The following STON2 variants were observed in gnomAD, a reference collection of about 807,000 sequenced individuals.
The protein encoded by STON2 is stonin 2.
Under a neutral mutation model 65.7 loss-of-function variants are expected in STON2, and 29 were observed. The observed-to-expected ratio is 0.44, with a 90% confidence interval of 0.33 to 0.60. The LOEUF (loss-of-function observed/expected upper bound fraction) is 0.60. Among genes scored for constraint, STON2 ranks in the 20% least tolerant of loss-of-function variants. The pLI, the probability that STON2 is intolerant of heterozygous loss-of-function variation, is 0.03. For missense variants in STON2, 1,054 were observed against 1,118.1 expected (o/e 0.94, Z 0.82); for synonymous variants, 404 against 414.2 (o/e 0.98, Z 0.30).
In STON2 at chr14:81,278,375, G is replaced by C; in HGVS notation, c.1107C>G (p.Thr369=). 1 of 1,614,198 alleles carries C rather than the reference G, an allele frequency of 6.2e-7. No homozygotes were observed. The highest frequency in any genetic ancestry group is 1.1e-5 in the South Asian group (1 of 91,086). Residue 369 remains threonine, a synonymous_variant, in exon 6 of 8, where the codon ACC becomes ACG. Transcript: ENST00000614646. ...GCAGAGTCTCATTCAGGAAAGGGTTGGTTGCCCTCCAAGGTGAAGCCTCAG... is the reference window on the plus strand; with the variant it reads ...GCAGAGTCTCATTCAGGAAAGGGTTCGTTGCCCTCCAAGGTGAAGCCTCAG... ...SVTEASPWRA[T]NPFLNETLQD...
At chr14:81,330,721 G>C (rs1897181292) in intron 4 of STON2, among the ~76,000 whole-genome samples, 1 of 152,106 alleles carries the variant, frequency 6.6e-6, no homozygotes, top group African/African-American at 2.4e-5. Context: ...AATTATTGCA[G>C]GTGTGCTAGT....
chr14:81,302,573 A>C (rs1202484980), intron 5 of STON2, among the ~76,000 whole-genome samples: 1 of 152,260 alleles, frequency 6.6e-6, no homozygotes, highest in Non-Finnish European at 1.5e-5. Context: ...CCATGGTGTC[A>C]GAATCCATAG....
chr14:81,329,565 C>T (rs1480013953), intron 4 of STON2, among the ~76,000 whole-genome samples: 1 of 152,064 alleles, frequency 6.6e-6, no homozygotes, highest in African/African-American at 2.4e-5. Context: ...CCAAGGACTG[C>T]CAGCAACTAG....
intron 5 of STON2, among the ~76,000 whole-genome samples, chr14:81,318,338 G>A (rs965542590): frequency 2.0e-5 from 3 of 152,048 alleles, no homozygotes; most frequent in African/African-American, 4.8e-5. Context: ...TCCACATCAC[G>A]AGGAGCAGAA....
intron 5 of STON2, among the ~76,000 whole-genome samples, chr14:81,305,715 GTTTAA>G (rs370877002): frequency 6.4e-4 from 98 of 152,168 alleles, no homozygotes; most frequent in African/African-American, 2.2e-3. Context: ...TTTACATGTG[GTTTAA>G]TTTATCAATT....
At chr14:81,420,003 C>T (rs1452357654) in intron 2 of STON2, among the ~76,000 whole-genome samples, 3 of 152,182 alleles carry the variant, frequency 2.0e-5, no homozygotes, top group Non-Finnish European at 4.4e-5. Context: ...CTGCCAGCTC[C>T]CACCTGTCTC....
At chr14:81,312,147 T>C (rs935352451) in intron 5 of STON2, among the ~76,000 whole-genome samples, 2 of 152,242 alleles carry the variant, frequency 1.3e-5, no homozygotes, top group Non-Finnish European at 2.9e-5. Context: ...ATGATTGTCT[T>C]AGTCATTTTC....
At chr14:81,327,889 G>T (rs545112592) in intron 4 of STON2, among the ~76,000 whole-genome samples, 1 of 152,238 alleles carries the variant, frequency 6.6e-6, no homozygotes, top group South Asian at 2.1e-4. Flanking sequence ...AGTGGTGAAG[G>T]ACTGGTCCAC....
At chr14:81,283,316 G>A (rs1276259288) in intron 5 of STON2, among the ~76,000 whole-genome samples, 1 of 152,092 alleles carries the variant, frequency 6.6e-6, no homozygotes, top group African/African-American at 2.4e-5. Flanking sequence ...TCTACATTTT[G>A]AACATAGAGA....
intron 4 of STON2, among the ~76,000 whole-genome samples, chr14:81,340,335 C>T (rs1054779656): frequency 5.9e-5 from 9 of 151,986 alleles, no homozygotes; most frequent in African/African-American, 2.4e-5. Context: ...TAAATGCACA[C>T]GAGGAACTAT....
intron 3 of STON2, among the ~76,000 whole-genome samples, chr14:81,374,887 A>G (rs1278650765): frequency 6.6e-6 from 1 of 152,182 alleles, no homozygotes; most frequent in Non-Finnish European, 1.5e-5. Context: ...AAATTCCAAG[A>G]TATCTCAAGC....
intron 5 of STON2, among the ~76,000 whole-genome samples, chr14:81,301,961 G>C (rs1280444421): frequency 6.6e-6 from 1 of 152,142 alleles, no homozygotes; most frequent in African/African-American, 2.4e-5. Flanking sequence ...ATGGTGATTT[G>C]CTAGCTTTGA....
Position 81,276,983 on chromosome 14 carries a change from T to C in STON2, c.2499A>G (p.Arg833=). The part of the protein sequence containing the change: ...TSVSGSEPVM[R]VTLGTAKYEH... ...CGTACTTGGCAGTTCCCAGAGTTAC[T>C]CTCATGACAGGCTCAGAGCCAGAAA... Residue 833 remains arginine, a synonymous_variant, in exon 6 of 8, where the codon AGA becomes AGG. Transcript: ENST00000614646. The C allele has an allele frequency of 1.9e-6, 3 of 1,614,182 alleles. No individual in the cohort carries two copies. The highest frequency in any genetic ancestry group is 1.6e-4 in the Middle Eastern group (1 of 6,062).
intron 5 of STON2, among the ~76,000 whole-genome samples, chr14:81,286,364 T>C (rs1895333645): frequency 6.6e-6 from 1 of 152,164 alleles, no homozygotes; most frequent in Non-Finnish European, 1.5e-5. Flanking sequence ...ATCATTGTTG[T>C]TTTACATTAA....
At chr14:81,334,044 T>C (rs1897293557) in intron 4 of STON2, among the ~76,000 whole-genome samples, 1 of 152,322 alleles carries the variant, frequency 6.6e-6, no homozygotes, top group South Asian at 2.1e-4. Flanking sequence ...CACCTGCAGC[T>C]TGCACTACTC....
At chr14:81,349,930 C>T (rs927094792) in intron 4 of STON2, among the ~76,000 whole-genome samples, 4 of 152,056 alleles carry the variant, frequency 2.6e-5, no homozygotes, top group Non-Finnish European at 5.9e-5. Context: ...TTTGCAGCAA[C>T]ATGGATGGAA....
chr14:81,400,433 C>T (rs2140450286), upstream of STON2, among the ~76,000 whole-genome samples: 1 of 135,504 alleles, frequency 7.4e-6, no homozygotes, highest in Middle Eastern at 4.7e-3. Flanking sequence ...CAGATTCCTC[C>T]TCTTTCAACG....
chr14:81,360,409 CAAAAT>C (rs1200467550), intron 4 of STON2, among the ~76,000 whole-genome samples: 1 of 151,558 alleles, frequency 6.6e-6, no homozygotes, highest in Admixed American at 6.6e-5. Context: ...ATCACATTAA[CAAAAT>C]AAAAGATAAA....
At chr14:81,377,507 T>C (rs1899309623) in intron 3 of STON2, among the ~76,000 whole-genome samples, 1 of 152,232 alleles carries the variant, frequency 6.6e-6, no homozygotes, top group Non-Finnish European at 1.5e-5. Flanking sequence ...AACGTAAGTT[T>C]CCATTTCTCT....
Sources: allele counts gnomAD v4.1 joint callset (sites outside exome capture counted in the v4.1 genomes callset), GRCh38; gene constraint gnomAD v4.1.1; transcripts MANE v1.5; gene names NCBI Gene and HGNC (gene_info 2026-07-23, HGNC 2026-07-21).